TTC27: variants seen among roughly 807,000 people sequenced by gnomAD.
TTC27 encodes tetratricopeptide repeat protein 27.
In TTC27, 79 loss-of-function variants were observed where a neutral mutation model predicts 115.9. The ratio of observed to expected loss-of-function variants is 0.68; its 90% CI spans 0.57 to 0.82. TTC27 has a LOEUF of 0.82. TTC27 is among the 40% of genes least tolerant of loss of function. The pLI, the probability that TTC27 is intolerant of heterozygous loss-of-function variation, is 0.00. For synonymous variants in TTC27, 401 were observed against 356.0 expected (o/e 1.13, Z -1.42); for missense variants, 1,054 against 993.1 (o/e 1.06, Z -0.82).
chr2:32,650,282 T>A, intron 5 of TTC27, 49 bp downstream of exon 5: 1 of 1,416,642 alleles, frequency 7.1e-7, no homozygotes, highest in Non-Finnish European at 9.9e-7. Flanking sequence ...CAGTTCTAAT[T>A]ACTTGGCTGA....
At chr2:32,665,958 A>C (rs547391980) in intron 6 of TTC27, among the ~76,000 whole-genome samples, 1 of 152,338 alleles carries the variant, frequency 6.6e-6, no homozygotes, top group African/African-American at 2.4e-5. Flanking sequence ...TATCTTCAGC[A>C]TAACATATTT....
chr2:32,702,037 A>AC (rs1559212923), intron 9 of TTC27, among the ~76,000 whole-genome samples: 3 of 149,336 alleles, frequency 2.0e-5, no homozygotes, highest in African/African-American at 7.4e-5. Context: ...AAAAACAAAA[A>AC]AAACCAGCTA....
At chr2:32,672,204 A>T in intron 7 of TTC27, 68 bp from the exon 8 acceptor site, 1 of 1,115,470 alleles carries the variant, frequency 9.0e-7, no homozygotes, top group Non-Finnish European at 1.4e-6. Context: ...GCAATCTATT[A>T]CATGCCATTC....
chr2:32,645,094 C>G (rs983669868), intron 4 of TTC27, among the ~76,000 whole-genome samples: 2 of 151,860 alleles, frequency 1.3e-5, no homozygotes, highest in Non-Finnish European at 2.9e-5. Flanking sequence ...TTAATTTTAA[C>G]CTTTTAAATT....
intron 9 of TTC27, among the ~76,000 whole-genome samples, chr2:32,683,791 T>A (rs894431817): frequency 1.3e-5 from 2 of 149,050 alleles, no homozygotes; most frequent in South Asian, 2.1e-4. Flanking sequence ...GTAATGTTTT[T>A]AATTTCCTTT....
chr2:32,785,004 C>T (rs1168375989), intron 15 of TTC27, among the ~76,000 whole-genome samples: 2 of 152,086 alleles, frequency 1.3e-5, no homozygotes, highest in African/African-American at 4.8e-5. Context: ...AGAAGGAATC[C>T]CTGAGATAGT....
At chr2:32,816,316 CAA>C (rs199561706) in intron 18 of TTC27, among the ~76,000 whole-genome samples, 16 of 125,334 alleles carry the variant, frequency 1.3e-4, no homozygotes, top group South Asian at 2.6e-4. Context: ...GACCTTGTCT[CAA>C]AAAAAAAAAA....
At chr2:32,664,224 G>T in intron 5 of TTC27, 79 bp from the exon 6 acceptor site, 1 of 1,229,392 alleles carries the variant, frequency 8.1e-7, no homozygotes, top group Non-Finnish European at 1.1e-6. Context: ...TATACTTTAT[G>T]TATTATAGAC....
chr2:32,753,084 C>T (rs1005997642), intron 12 of TTC27, among the ~76,000 whole-genome samples: 2 of 152,106 alleles, frequency 1.3e-5, no homozygotes, highest in African/African-American at 2.4e-5. Context: ...TGCTGGGTCT[C>T]GGACACTTGG....
intron 16 of TTC27, among the ~76,000 whole-genome samples, chr2:32,788,405 A>C (rs898563840): frequency 1.3e-5 from 2 of 152,126 alleles, no homozygotes; most frequent in Non-Finnish European, 2.9e-5. Context: ...AGGAGTGTGA[A>C]GCTCCCCTCC....
chr2:32,679,333 C>A (rs923967329), intron 9 of TTC27, among the ~76,000 whole-genome samples: 3 of 152,042 alleles, frequency 2.0e-5, no homozygotes, highest in Admixed American at 6.6e-5. Context: ...CTGGACAGTT[C>A]CCTCATTACA....
intron 5 of TTC27, among the ~76,000 whole-genome samples, chr2:32,653,337 G>A (rs868789058): frequency 2.0e-5 from 3 of 152,166 alleles, no homozygotes; most frequent in Admixed American, 6.5e-5. Flanking sequence ...GCTCATGCCT[G>A]TAATCCCAGC....
At position 32,640,384 on chromosome 2, in the gene TTC27, G is replaced by T. The variant is rs371771501; in HGVS notation, c.511G>T (p.Val171Leu). The T allele has an allele frequency of 1.9e-6, 3 of 1,613,738 alleles. No homozygotes were observed. Among genetic ancestry groups the T allele is most frequent in the Non-Finnish European group, 2.5e-6 (3 of 1,179,996 alleles). ...ATTAGCACGCATTATCCTAGTGAAT[G>T]TAAGACATAAACTGACAGCTATTCA... ...LLLARIILVNVRHKLTAIQSL... is the reference protein window; with the variant it reads ...LLLARIILVNLRHKLTAIQSL... The change falls in exon 4 of 20, where the codon GTA becomes TTA. Residue 171 changes from valine to leucine, a missense_variant. Val to Leu is a conservative substitution (Grantham distance 32). Coordinates refer to ENST00000317907, the MANE Select transcript of TTC27 (RefSeq NM_017735.5).
intron 12 of TTC27, 107 bp downstream of exon 12, chr2:32,736,923 C>A: frequency 7.2e-7 from 1 of 1,384,612 alleles, no homozygotes; most frequent in Non-Finnish European, 9.6e-7. Flanking sequence ...CACTTATATT[C>A]CTTTTTTCAC....
intron 4 of TTC27, among the ~76,000 whole-genome samples, chr2:32,641,450 C>T (rs72858143): frequency 6.6e-6 from 1 of 152,146 alleles, no homozygotes; most frequent in Non-Finnish European, 1.5e-5. Flanking sequence ...AAATATTATT[C>T]TTGATTTTTC....
At chr2:32,676,512 G>C (rs57869485) in intron 8 of TTC27, among the ~76,000 whole-genome samples, 57 of 122,496 alleles carry the variant, frequency 4.7e-4, no homozygotes, top group African/African-American at 1.7e-3. Context: ...TTTTTTTGGA[G>C]ATGGATTCTT....
chr2:32,731,528 A>G (rs1181920353), intron 10 of TTC27, among the ~76,000 whole-genome samples: 1 of 152,072 alleles, frequency 6.6e-6, no homozygotes, highest in East Asian at 1.9e-4. Context: ...GGCACGTGCC[A>G]CCAACCCTGG....
chr2:32,727,730 C>G (rs1028320794), intron 10 of TTC27, among the ~76,000 whole-genome samples: 1 of 152,040 alleles, frequency 6.6e-6, no homozygotes, highest in Non-Finnish European at 1.5e-5. Flanking sequence ...CCACTCTTTT[C>G]AAGACTTTTT....
chr2:32,695,395 C>T (rs953291016), intron 9 of TTC27, among the ~76,000 whole-genome samples: 4 of 151,872 alleles, frequency 2.6e-5, no homozygotes, highest in African/African-American at 9.7e-5. Context: ...ACCAGCCTGG[C>T]CAACATGGTG....
Sources: gnomAD v4.1 joint callset for allele counts (sites outside exome capture counted in the v4.1 genomes callset) on GRCh38, gnomAD v4.1.1 for gene constraint, MANE v1.5 for transcripts, NCBI Gene and HGNC (gene_info 2026-07-23, HGNC 2026-07-21) for gene names.